USP18: variants seen among roughly 807,000 people sequenced by gnomAD.
The protein encoded by USP18 is ubiquitin specific peptidase 18, also known as ubl carboxyl-terminal hydrolase 18.
In USP18, 11 loss-of-function variants were observed where a neutral mutation model predicts 48.7. The ratio of observed to expected loss-of-function variants is 0.23; its 90% CI spans 0.14 to 0.37. USP18 has a LOEUF of 0.37. USP18 is among the 10% of genes least tolerant of loss of function. USP18 has a pLI of 1.00. For missense variants in USP18, 285 were observed against 436.4 expected, an observed-to-expected ratio of 0.65 and a Z score of 3.09; for synonymous variants, 114 against 163.2, an observed-to-expected ratio of 0.70 and a Z score of 2.30.
intron 1 of USP18, among the ~76,000 whole-genome samples, chr22:18,156,350 C>T (rs544704680): frequency 2.0e-5 from 3 of 152,340 alleles, no homozygotes; most frequent in South Asian, 2.1e-4. Flanking sequence ...CCCGAGCCAG[C>T]AGTGGCAACC....
intron 2 of USP18, among the ~76,000 whole-genome samples, chr22:18,159,611 C>A (rs1321308900): frequency 2.0e-5 from 3 of 151,266 alleles, no homozygotes; most frequent in Non-Finnish European, 4.4e-5. Context: ...AATTCTCCTG[C>A]CTCAGCCTCC....
chr22:18,158,568 C>T (rs79183113), intron 2 of USP18, among the ~76,000 whole-genome samples: 2,150 of 152,272 alleles, frequency 0.014, 54 homozygotes, highest in African/African-American at 0.049. Flanking sequence ...CCCAAGAATC[C>T]TGAGATTAGT....
intron 4 of USP18, among the ~76,000 whole-genome samples, chr22:18,164,039 T>G (rs914489337): frequency 3.3e-5 from 5 of 152,264 alleles, no homozygotes; most frequent in African/African-American, 1.2e-4. Flanking sequence ...TGCACACTCC[T>G]TCACGCATTG....
rs2543718 is a variant in USP18, at chr22:18,161,087, T to A, written c.255-703T>A. Reference sequence around the variant, plus strand: ...GCCCGGCCAGGTATTGGTACTTTTTTAAAGCCCTCTTTGGGTGATTTTAAA... The same window carrying A: ...GCCCGGCCAGGTATTGGTACTTTTTAAAAGCCCTCTTTGGGTGATTTTAAA... On this transcript the variant is annotated intron_variant, in intron 3 of 10. Transcript: ENST00000215794. Among the ~76,000 whole-genome samples, 1,204 of 151,998 alleles carry A rather than the reference T, an allele frequency of 7.9e-3. 19 individuals carry two copies. Among genetic ancestry groups the A allele is most frequent in the African/African-American group, 0.027 (1,121 of 41,286 alleles).
At chr22:18,167,697 C>CAAAAAAA (rs748332867) in intron 5 of USP18, among the ~76,000 whole-genome samples, 193 bp from the exon 6 acceptor site, 1 of 94,298 alleles carries the variant, frequency 1.1e-5, no homozygotes, top group East Asian at 4.1e-4. Flanking sequence ...GACTCTGTCT[C>CAAAAAAA]AAAAAAAAAA....
At chr22:18,151,923 A>G (rs764905843) in intron 1 of USP18, among the ~76,000 whole-genome samples, 4 of 152,168 alleles carry the variant, frequency 2.6e-5, no homozygotes, top group Non-Finnish European at 4.4e-5. Flanking sequence ...GCGTGGCGGC[A>G]GGCGCCTGTA....
intron 6 of USP18, among the ~76,000 whole-genome samples, chr22:18,168,429 C>T (rs1157019273): frequency 1.3e-5 from 2 of 150,310 alleles, no homozygotes; most frequent in African/African-American, 4.9e-5. Flanking sequence ...CAGAGTCTTC[C>T]TCTGTTGCCC....
At position 18,170,681 on chromosome 22, in the gene USP18, G is replaced by T; in HGVS notation, c.724-72G>T. 9.5e-6 allele frequency: 15 copies of T among 1,574,004 alleles called. 1 individual carries two copies. The highest frequency in any genetic ancestry group is 1.3e-5 in the Non-Finnish European group (15 of 1,160,034). ...CCCCTCTTTTTGGGAAGAACGCGTTGCTAGCCCTGACATTTCTCTGACTCT... is the reference window on the plus strand; with the variant it reads ...CCCCTCTTTTTGGGAAGAACGCGTTTCTAGCCCTGACATTTCTCTGACTCT... On this transcript the variant is annotated intron_variant, in intron 7 of 10. Coordinates refer to ENST00000215794, the MANE Select transcript of USP18 (RefSeq NM_017414.4).
At chr22:18,157,954 A>G (rs1157886058) in intron 2 of USP18, 134 bp downstream of exon 2, 2 of 1,274,144 alleles carry the variant, frequency 1.6e-6, no homozygotes, top group Non-Finnish European at 2.2e-6. Context: ...CATCTTTTAG[A>G]TGGGGATACA....
chr22:18,156,939 A>C (rs1171296579), intron 1 of USP18, among the ~76,000 whole-genome samples: 1 of 148,472 alleles, frequency 6.7e-6, no homozygotes, highest in Non-Finnish European at 1.5e-5. Context: ...CTCTCTTCAC[A>C]CAGCTGTGCT....
chr22:18,156,402 A>G (rs1015373818), intron 1 of USP18, among the ~76,000 whole-genome samples: 1 of 152,202 alleles, frequency 6.6e-6, no homozygotes, highest in African/African-American at 2.4e-5. Context: ...TTGTTGTTTC[A>G]TTCTTTGCAG....
intron 1 of USP18, among the ~76,000 whole-genome samples, chr22:18,157,101 A>G (rs1929178437): frequency 6.6e-6 from 1 of 152,380 alleles, no homozygotes; most frequent in East Asian, 1.9e-4. Flanking sequence ...GCTAAGGTTT[A>G]TCTGACTGCT....
At chr22:18,157,192 T>G (rs1345401248) in intron 1 of USP18, among the ~76,000 whole-genome samples, 1 of 152,232 alleles carries the variant, frequency 6.6e-6, no homozygotes, top group Non-Finnish European at 1.5e-5. Context: ...TTGGGCGGGT[T>G]GAGAGGCTTC....
chr22:18,155,123 C>A (rs898805010), intron 1 of USP18, among the ~76,000 whole-genome samples: 1 of 152,262 alleles, frequency 6.6e-6, no homozygotes, highest in Non-Finnish European at 1.5e-5. Context: ...AGACCCACAG[C>A]TGTGATGGCG....
At position 18,157,857 on chromosome 22, in the gene USP18, C is replaced by T. The variant is rs754747658; in HGVS notation, c.157+37C>T. 1.9e-5 allele frequency: 30 copies of T among 1,611,442 alleles called. No homozygotes were observed. In the South Asian group the frequency reaches 3.1e-4, roughly 17 times the overall value. ...CCTCCCGTTTTCCTCTTCTTGACTG[C>T]ATGTAAATGTTCGGCTCACCCCCTC... On this transcript the variant is annotated intron_variant, in intron 2 of 10. Transcript: ENST00000215794.
intron 1 of USP18, among the ~76,000 whole-genome samples, chr22:18,155,918 G>A (rs1322109131): frequency 2.0e-5 from 3 of 152,278 alleles, no homozygotes; most frequent in Non-Finnish European, 4.4e-5. Flanking sequence ...CGGCCCAGGT[G>A]TGGGATCCAC....
At chr22:18,156,950 G>A (rs1929169586) in intron 1 of USP18, among the ~76,000 whole-genome samples, 1 of 139,804 alleles carries the variant, frequency 7.2e-6, no homozygotes, top group Admixed American at 7.6e-5. Flanking sequence ...CAGCTGTGCT[G>A]GGTTGGGGGA....
intron 2 of USP18, 61 bp downstream of exon 2, chr22:18,157,881 T>G (rs1929214529): frequency 6.2e-7 from 1 of 1,600,168 alleles, no homozygotes; most frequent in Non-Finnish European, 8.5e-7. Context: ...GCTCACCCCC[T>G]CCGCTCTGAA....
intron 2 of USP18, 36 bp downstream of exon 2, chr22:18,157,856 G>T: frequency 6.2e-7 from 1 of 1,611,448 alleles, no homozygotes; most frequent in Non-Finnish European, 8.5e-7. Flanking sequence ...CTTCTTGACT[G>T]CATGTAAATG....
Sources: allele counts gnomAD v4.1 joint callset (sites outside exome capture counted in the v4.1 genomes callset), GRCh38; gene constraint gnomAD v4.1.1; transcripts MANE v1.5; gene names NCBI Gene and HGNC (gene_info 2026-07-23, HGNC 2026-07-21).